Variants in TEKT5 observed in about 807,000 individuals in gnomAD.
TEKT5 encodes the protein tektin-5.
A neutral mutation model predicts 48.7 loss-of-function variants in TEKT5; 52 were observed. The observed-to-expected ratio is 1.07, with a 90% CI of 0.86 to 1.35. The LOEUF (loss-of-function observed/expected upper bound fraction) is 1.35. Among genes scored for constraint, TEKT5 ranks in the 40% most tolerant of loss-of-function variants. The pLI, the probability that TEKT5 is intolerant of heterozygous loss-of-function variation, is 0.00. For synonymous variants in TEKT5, 318 were observed against 267.6 expected, an observed-to-expected ratio of 1.19 and a Z score of -1.84; for missense variants, 831 against 641.6, an observed-to-expected ratio of 1.30 and a Z score of -3.19.
intron 2 of TEKT5, 74 bp downstream of exon 2, chr16:10,689,868 G>T (rs770807155): frequency 9.3e-4 from 1,341 of 1,434,688 alleles, no homozygotes; most frequent in Non-Finnish European, 1.2e-3. Flanking sequence ...CTGACAGGTA[G>T]CTCAGTAATT....
intron 1 of TEKT5, chr16:10,690,597 C>G: frequency 1.0e-6 from 1 of 985,414 alleles, no homozygotes; most frequent in African/African-American, 1.7e-5. Context: ...TAAATATTAC[C>G]TGTGAATATG....
intron 5 of TEKT5, among the ~76,000 whole-genome samples, chr16:10,662,692 C>T (rs774747696): frequency 4.6e-4 from 70 of 152,330 alleles, no homozygotes; most frequent in Non-Finnish European, 8.8e-4. Flanking sequence ...TTACCATCCA[C>T]AGCACTGGCC....
At chr16:10,657,129 TTTTTC>T (rs990455232) in intron 5 of TEKT5, among the ~76,000 whole-genome samples, 18 of 148,330 alleles carry the variant, frequency 1.2e-4, no homozygotes, top group African/African-American at 4.1e-4. Context: ...CTTTTTTTTT[TTTTTC>T]TTTTTTTTGA....
At chr16:10,651,354 T>A (rs1420931918) in intron 5 of TEKT5, among the ~76,000 whole-genome samples, 2 of 152,282 alleles carry the variant, frequency 1.3e-5, no homozygotes, top group Admixed American at 1.3e-4. Context: ...CTAGCCCTTA[T>A]CCCTGGCATA....
Position 10,677,466 on chromosome 16 carries a change from C to T in TEKT5, c.864-1285G>A, listed in dbSNP as rs559357956. 3.6e-4 allele frequency among the ~76,000 whole-genome samples: 52 copies of T among 146,142 alleles called. 1 individual carries two copies. The highest frequency in any genetic ancestry group is 6.3e-4 in the Non-Finnish European group (43 of 67,838). On this transcript the variant is annotated intron_variant, in intron 4 of 6. Coordinates refer to ENST00000283025, the MANE Select transcript of TEKT5 (RefSeq NM_144674.2). ...CTCTACTAAAAATATAAAAATTAGCCGGGTGTGGTGGCACACGCCTGTAAT... is the reference window on the plus strand; with the variant it reads ...CTCTACTAAAAATATAAAAATTAGCTGGGTGTGGTGGCACACGCCTGTAAT...
chr16:10,651,511 T>C (rs926203900), intron 5 of TEKT5, among the ~76,000 whole-genome samples: 6 of 152,188 alleles, frequency 3.9e-5, no homozygotes, highest in African/African-American at 1.4e-4. Flanking sequence ...TAAATAATAA[T>C]GATGATGATA....
intron 6 of TEKT5, among the ~76,000 whole-genome samples, chr16:10,634,080 T>C (rs958799267): frequency 6.6e-6 from 1 of 152,208 alleles, no homozygotes; most frequent in African/African-American, 2.4e-5. Context: ...GGTCCATCGC[T>C]GGACCAAGAC....
rs1239259358 is a variant in TEKT5, at chr16:10,694,685, G to A, written c.189C>T (p.Thr63=). 2 of 1,613,522 alleles carry A rather than the reference G, an allele frequency of 1.2e-6. No individual in the cohort carries two copies. Among genetic ancestry groups the A allele is most frequent in the Admixed American group, 1.7e-5 (1 of 59,966 alleles). The stretch of plus-strand genomic sequence containing the variant: ...GGGTACTGGTGCTCTCGTCCGGGCA[G>A]GTCTGGACGTTGGCTATCTTGTAGA... The part of the protein sequence containing the change: ...SLFYKIANVQ[T]CPDESTSTLR... The change falls in exon 1 of 7, where the codon ACC becomes ACT. Residue 63 remains threonine (T), a synonymous_variant. Coordinates refer to ENST00000283025, the MANE Select transcript of TEKT5 (RefSeq NM_144674.2).
chr16:10,653,999 CGTGTGTGTGTGTGTGCATGT>C (rs966958934), intron 5 of TEKT5, among the ~76,000 whole-genome samples: 1 of 149,636 alleles, frequency 6.7e-6, no homozygotes, highest in African/African-American at 2.5e-5. Context: ...TGTGTGTGAA[CGTGTGTGTGTGTGTGCATGT>C]GTGTGTGTGT....
At chr16:10,656,517 T>C (rs1238017563) in intron 5 of TEKT5, among the ~76,000 whole-genome samples, 1 of 151,328 alleles carries the variant, frequency 6.6e-6, no homozygotes, top group African/African-American at 2.4e-5. Flanking sequence ...CCTCCCAAAG[T>C]GCTGAGATGA....
chr16:10,684,624 G>A (rs1418468785), intron 3 of TEKT5, among the ~76,000 whole-genome samples: 8 of 152,252 alleles, frequency 5.3e-5, no homozygotes, highest in East Asian at 1.9e-4. Context: ...AATGTGAAGC[G>A]AGGCCAGGAT....
chr16:10,645,285 G>T (rs112334007), intron 5 of TEKT5, among the ~76,000 whole-genome samples: 55 of 152,264 alleles, frequency 3.6e-4, no homozygotes, highest in African/African-American at 1.2e-3. Context: ...TGAGGTGGGA[G>T]GATTGCTTGA....
intron 4 of TEKT5, among the ~76,000 whole-genome samples, chr16:10,678,392 C>T (rs7204640): frequency 0.2 from 30,432 of 152,126 alleles, 4,031 homozygotes; most frequent in East Asian, 0.54. Flanking sequence ...CCACCGCACC[C>T]GGCCTCTTTT....
intron 5 of TEKT5, among the ~76,000 whole-genome samples, chr16:10,636,935 G>T (rs1897922260): frequency 6.7e-6 from 1 of 149,880 alleles, no homozygotes; most frequent in African/African-American, 2.5e-5. Context: ...TCCTGCCTCA[G>T]TCTCCCAAGT....
At chr16:10,641,027 T>C (rs1897986762) in intron 5 of TEKT5, among the ~76,000 whole-genome samples, 1 of 152,188 alleles carries the variant, frequency 6.6e-6, no homozygotes. Context: ...AATAGGTCAA[T>C]GTTTCACTTT....
At chr16:10,646,743 G>C (rs1234500789) in intron 5 of TEKT5, among the ~76,000 whole-genome samples, 3 of 152,218 alleles carry the variant, frequency 2.0e-5, no homozygotes, top group Non-Finnish European at 4.4e-5. Context: ...GGTTATGGGA[G>C]GGCAAGGAGG....
chr16:10,676,287 T>C lies in TEKT5; in HGVS notation c.864-106A>G, dbSNP rs575984048. On this transcript the variant is annotated intron_variant, in intron 4 of 6. Coordinates refer to ENST00000283025, the MANE Select transcript of TEKT5 (RefSeq NM_144674.2). ...TCTGGGTCGGGATTATTCTCTGTCC[T>C]GTGCATTGTAGGGTGCTTGGGATGT... 22 of 1,096,998 alleles carry C rather than the reference T, an allele frequency of 2.0e-5. No homozygotes were observed. The Admixed American group carries it at 4.3e-4, about 21-fold the overall frequency. The allele number at this position is 1,096,998 out of a possible 1,614,324, so 68.0% of individuals were successfully genotyped here.
intron 5 of TEKT5, among the ~76,000 whole-genome samples, chr16:10,654,757 T>C (rs1029145251): frequency 2.0e-5 from 3 of 152,086 alleles, no homozygotes; most frequent in East Asian, 3.9e-4. Flanking sequence ...AGACCACAGG[T>C]TGTGGGACTT....
At chr16:10,656,397 G>C (rs780148539) in intron 5 of TEKT5, among the ~76,000 whole-genome samples, 2 of 152,010 alleles carry the variant, frequency 1.3e-5, no homozygotes, top group African/African-American at 2.4e-5. Context: ...GACTACAGGC[G>C]TGTGCCACCA....
Sources: allele counts gnomAD v4.1 joint callset (sites outside exome capture counted in the v4.1 genomes callset), GRCh38; gene constraint gnomAD v4.1.1; transcripts MANE v1.5; gene names NCBI Gene and HGNC (gene_info 2026-07-23, HGNC 2026-07-21).